The following SYNE3 variants were observed in gnomAD, a reference collection of about 807,000 sequenced individuals.
SYNE3 encodes the protein spectrin repeat containing nuclear envelope family member 3, also known as nesprin-3.
SYNE3 carries 100 observed loss-of-function variants against 111.2 expected under a neutral mutation model. The observed-to-expected ratio is 0.90, with a 90% CI of 0.77 to 1.06. SYNE3 has a LOEUF of 1.06. Ranked by LOEUF, SYNE3 falls within the 50% of genes least tolerant of loss-of-function variation. The probability of loss-of-function intolerance (pLI) is 0.00; values close to 1 mark genes in which losing one functional copy is unlikely to be tolerated. For synonymous variants in SYNE3, 547 were observed against 533.9 expected, an observed-to-expected ratio of 1.02 and a Z score of -0.34; for missense variants, 1,160 against 1,240.3, an observed-to-expected ratio of 0.94 and a Z score of 0.97.
At chr14:95,496,700 A>G (rs1177635496) in intron 1 of SYNE3, among the ~76,000 whole-genome samples, 1 of 152,252 alleles carries the variant, frequency 6.6e-6, no homozygotes, top group Non-Finnish European at 1.5e-5. Context: ...TTCTCATTGT[A>G]AACAGCTCAG....
chr14:95,431,568 G>A (rs1885763463), intron 17 of SYNE3, among the ~76,000 whole-genome samples: 1 of 152,308 alleles, frequency 6.6e-6, no homozygotes, highest in East Asian at 1.9e-4. Flanking sequence ...CCCTGGGAGT[G>A]ACTCTGAGCA....
At chr14:95,440,167 C>T (rs990508629) in intron 11 of SYNE3, 92 bp from the exon 12 acceptor site, 31 of 1,452,672 alleles carry the variant, frequency 2.1e-5, no homozygotes, top group Admixed American at 1.6e-4. Context: ...CTCTCACACC[C>T]GCTGGGGACC....
intron 17 of SYNE3, among the ~76,000 whole-genome samples, chr14:95,420,160 T>G (rs866525498): frequency 6.6e-6 from 1 of 151,116 alleles, no homozygotes; most frequent in South Asian, 2.1e-4. Context: ...ATAAGTACTC[T>G]TGGCTGCATG....
At chr14:95,498,814 C>T (rs542958039) in intron 1 of SYNE3, among the ~76,000 whole-genome samples, 1 of 152,276 alleles carries the variant, frequency 6.6e-6, no homozygotes, top group East Asian at 1.9e-4. Flanking sequence ...AATAAGCCAC[C>T]TCTCAGTCCC....
At chr14:95,437,053 C>T in intron 14 of SYNE3, 72 bp from the exon 15 acceptor site, 1 of 1,595,372 alleles carries the variant, frequency 6.3e-7, no homozygotes. Flanking sequence ...GGGAATTCCA[C>T]CTGAGGCAGA....
chr14:95,446,105 G>C lies in SYNE3; in HGVS notation c.1450-14C>G. 1 of 1,613,534 alleles carries C rather than the reference G, an allele frequency of 6.2e-7. No individual in the cohort carries two copies. The highest frequency in any genetic ancestry group is 8.5e-7 in the Non-Finnish European group (1 of 1,179,840). On this transcript the variant is annotated splice_polypyrimidine_tract_variant and intron_variant, in intron 8 of 17. Transcript: ENST00000682763. ...CATCAGGGCTGCCTGTGGGAGACAA[G>C]GCTTCCGTGAACCACAGACCGGGCA...
chr14:95,456,820 C>T (rs8005086), intron 5 of SYNE3, among the ~76,000 whole-genome samples: 1 of 152,078 alleles, frequency 6.6e-6, no homozygotes, highest in Non-Finnish European at 1.5e-5. Context: ...TGTGGTGGCT[C>T]ACACCTGTAA....
At chr14:95,469,288 C>T (rs1318869846) in intron 2 of SYNE3, among the ~76,000 whole-genome samples, 1 of 152,122 alleles carries the variant, frequency 6.6e-6, no homozygotes, top group African/African-American at 2.4e-5. Flanking sequence ...GCCCCACTGA[C>T]AGCTGTGTGA....
At chr14:95,457,683 G>T (rs749523855) in intron 4 of SYNE3, among the ~76,000 whole-genome samples, 1 of 152,196 alleles carries the variant, frequency 6.6e-6, no homozygotes, top group African/African-American at 2.4e-5. Flanking sequence ...ACATCACACT[G>T]TCATTCTGAG....
Position 95,436,934 on chromosome 14 carries a change from C to A in SYNE3, c.2424G>T (p.Gln808His). The A allele has an allele frequency of 1.9e-6, 3 of 1,613,992 alleles. No homozygotes were observed. The highest frequency in any genetic ancestry group is 1.7e-5 in the Admixed American group (1 of 60,008). ...ACCACTGCCCAAAGTTCCTCAGGAG[C>A]TGGGAGAAATCTTCATGGCTCCCTT... Reference protein sequence around the residue: ...EEEGSHEDFSQLLRNFGQWLQ... With the variant: ...EEEGSHEDFSHLLRNFGQWLQ... The change falls in exon 15 of 18, where the codon CAG becomes CAT. Residue 808 changes from glutamine (Q) to histidine (H), a missense_variant. Physicochemically the swap from Gln to His is conservative, Grantham distance 24. Coordinates refer to ENST00000682763, the MANE Select transcript of SYNE3 (RefSeq NM_152592.6).
chr14:95,466,960 C>T (rs964573298), intron 3 of SYNE3, among the ~76,000 whole-genome samples: 3 of 152,188 alleles, frequency 2.0e-5, no homozygotes, highest in Non-Finnish European at 2.9e-5. Context: ...CCAATGGGGA[C>T]GGAAGGCTGG....
Position 95,433,305 on chromosome 14 carries a change from C to T in SYNE3, c.2643G>A (p.Gln881=). ...TSDELEDLRY[Q]WMLYKSKLKD... The stretch of plus-strand genomic sequence containing the variant: ...TCAGCTTGGACTTGTACAGCATCCA[C>T]TGGTAGCGCAGATCTTCCAGCTCAT... Residue 881 remains glutamine, a synonymous_variant, in exon 16 of 18, where the codon CAG becomes CAA. Coordinates refer to ENST00000682763, the MANE Select transcript of SYNE3 (RefSeq NM_152592.6). The T allele has an allele frequency of 6.2e-7, 1 of 1,614,172 alleles. No homozygotes were observed. Among genetic ancestry groups the T allele is most frequent in the African/African-American group, 1.3e-5 (1 of 75,038 alleles).
chr14:95,485,855 A>C lies in SYNE3; in HGVS notation c.-14-10020T>G, dbSNP rs561659313. 6.6e-6 allele frequency among the ~76,000 whole-genome samples: 1 copy of C among 152,204 alleles called. No homozygotes were observed. ...CTTCACCTCCTTCGTGGAGCTCAGC[A>C]CCTGCTCTGAGTCAATATTAATGAA... On this transcript the variant is annotated intron_variant, in intron 1 of 17. Transcript: ENST00000682763. The surrounding 1 kb of genome is among the most constrained non-coding windows in gnomAD (Gnocchi z 4.3).
At chr14:95,464,728 C>T (rs749261604) in intron 4 of SYNE3, among the ~76,000 whole-genome samples, 7 of 152,212 alleles carry the variant, frequency 4.6e-5, no homozygotes, top group Non-Finnish European at 1.0e-4. Context: ...GGTGTCCCAG[C>T]TGCAGGCTTC....
chr14:95,507,172 G>C (rs548919252), intron 1 of SYNE3, among the ~76,000 whole-genome samples: 14 of 152,190 alleles, frequency 9.2e-5, no homozygotes, highest in Non-Finnish European at 2.1e-4. Flanking sequence ...CCAGCCCCCT[G>C]AGCTTCCCTA....
intron 1 of SYNE3, among the ~76,000 whole-genome samples, chr14:95,497,640 C>T (rs759327542): frequency 2.0e-5 from 3 of 152,172 alleles, no homozygotes; most frequent in Admixed American, 6.5e-5. Flanking sequence ...TTTCTGGAGA[C>T]GGTCAGAGAG....
chr14:95,514,178 G>C (rs1462610302), intron 1 of SYNE3, among the ~76,000 whole-genome samples: 2 of 152,118 alleles, frequency 1.3e-5, no homozygotes, highest in Non-Finnish European at 2.9e-5. Context: ...GAGCTTCAGG[G>C]CCAAAGTGGT....
rs766536040 is a variant in SYNE3 at position 95,455,682 on chromosome 14, T to C, written c.832A>G (p.Thr278Ala). 6 of 1,614,136 alleles carry C rather than the reference T, an allele frequency of 3.7e-6. No individual in the cohort carries two copies. The highest frequency in any genetic ancestry group is 2.2e-5 in the South Asian group (2 of 91,084). ...DFPRGEESLETLEEQSAGVIR... is the reference protein window; with the variant it reads ...DFPRGEESLEALEEQSAGVIR... The stretch of plus-strand genomic sequence containing the variant: ...ACACCCGCAGACTGCTCCTCCAGCG[T>C]CTCCAGAGACTCCTCGCCCCTGGGA... The change falls in exon 6 of 18, where the codon ACG becomes GCG. Residue 278 changes from threonine to alanine, a missense_variant. Coordinates refer to ENST00000682763, the MANE Select transcript of SYNE3 (RefSeq NM_152592.6).
At chr14:95,481,771 A>G (rs982358643) in intron 1 of SYNE3, among the ~76,000 whole-genome samples, 2 of 152,238 alleles carry the variant, frequency 1.3e-5, no homozygotes, top group African/African-American at 4.8e-5. Flanking sequence ...GTGAATGTCC[A>G]TCTGGACACC....
Sources: allele counts gnomAD v4.1 joint callset (sites outside exome capture counted in the v4.1 genomes callset), GRCh38; gene constraint gnomAD v4.1.1; non-coding constraint Gnocchi (gnomAD v3.1); transcripts MANE v1.5; gene names NCBI Gene and HGNC (gene_info 2026-07-23, HGNC 2026-07-21).